The following ST3GAL6 variants were observed in gnomAD, a reference collection of about 807,000 sequenced individuals.
ST3GAL6 encodes the protein ST3 beta-galactoside alpha-2,3-sialyltransferase 6, also known as type 2 lactosamine alpha-2,3-sialyltransferase.
In ST3GAL6, 31 loss-of-function variants were observed where a neutral mutation model predicts 40.5. The ratio of observed to expected loss-of-function variants is 0.77; its 90% CI spans 0.58 to 1.03. The LOEUF (loss-of-function observed/expected upper bound fraction) is 1.03, where lower values mean the gene tolerates loss of function less well. Ranked by LOEUF, ST3GAL6 falls within the 50% of genes least tolerant of loss-of-function variation. The probability of loss-of-function intolerance (pLI) is 0.00; values close to 1 mark genes in which losing one functional copy is unlikely to be tolerated. For missense variants in ST3GAL6, 357 were observed against 393.2 expected (o/e 0.91, Z 0.78); for synonymous variants, 129 against 136.9 (o/e 0.94, Z 0.40).
intron 1 of ST3GAL6, among the ~76,000 whole-genome samples, chr3:98,765,958 T>C (rs1315712602): frequency 6.6e-6 from 1 of 152,208 alleles, no homozygotes; most frequent in African/African-American, 2.4e-5. Flanking sequence ...AGAGGAACCA[T>C]GTTTATCACA....
intron 6 of ST3GAL6, 68 bp downstream of exon 6, chr3:98,785,108 G>T: frequency 9.0e-7 from 1 of 1,107,418 alleles, no homozygotes. Flanking sequence ...CCTTAATACA[G>T]CTGTGTTTTG....
At chr3:98,782,788 C>A in intron 5 of ST3GAL6, 1 of 514,642 alleles carries the variant, frequency 1.9e-6, no homozygotes. Context: ...CTGAAGTTTA[C>A]AAGATGCTTC....
rs911098265 is a variant in ST3GAL6, at chr3:98,769,957, T to C, written c.90-922T>C. Among the ~76,000 whole-genome samples the C allele has an allele frequency of 2.6e-5, 4 of 152,320 alleles. No individual in the cohort carries two copies. The South Asian group carries it at 8.3e-4, about 32-fold the overall frequency. On this transcript the variant is annotated intron_variant, in intron 2 of 9. Transcript: ENST00000483910. Reference sequence around the variant, plus strand: ...TGTATAAATCAAGGAGTCCTTGCCATTGTGGTATTCACAAAAGATGTTTTC... The same window carrying C: ...TGTATAAATCAAGGAGTCCTTGCCACTGTGGTATTCACAAAAGATGTTTTC...
chr3:98,748,759 C>CTGTAATAATAGCA (rs916003376), intron 1 of ST3GAL6, among the ~76,000 whole-genome samples: 6 of 152,204 alleles, frequency 3.9e-5, no homozygotes, highest in African/African-American at 1.4e-4. Context: ...AGCCACCGCG[C>CTGTAATAATAGCA]CTGGCCTGCG....
rs772526726 is a variant in ST3GAL6, at chr3:98,788,281, AACAG to A, written c.619-40_619-37del. On this transcript the variant is annotated intron_variant, in intron 7 of 9. Transcript: ENST00000483910. ...CCTTTAGTGCTTTTTTTCCTTAAAA[AACAG>A]ACAGCCACACTGTTCTATTCTCTAT... 37 of 1,587,238 alleles carry A rather than the reference AACAG, an allele frequency of 2.3e-5. No homozygotes were observed. In the African/African-American group the frequency reaches 4.7e-4, roughly 20 times the overall value.
chr3:98,782,969 G>T (rs1425502546), intron 5 of ST3GAL6: 21 of 331,628 alleles, frequency 6.3e-5, no homozygotes, highest in Non-Finnish European at 1.3e-4. Context: ...TGCTCAGAAG[G>T]TGCCCATGTG....
In ST3GAL6 at chr3:98,795,270, T is replaced by TGACA. The variant is rs1320364543; in HGVS notation, c.*1510_*1513dup. Reference sequence around the variant, plus strand: ...CACTGGAAAACCATGGCTTGATTACTGACAACCAACCTGCCTCTCTAAAGA... The same window carrying TGACA: ...CACTGGAAAACCATGGCTTGATTACTGACAGACAACCAACCTGCCTCTCTAAAGA... On this transcript the variant is annotated 3_prime_UTR_variant, in exon 10 of 10. Transcript: ENST00000483910. The TGACA allele has an allele frequency of 3.3e-5, 5 of 152,228 alleles. No individual in the cohort carries two copies. The South Asian group carries it at 8.3e-4, about 25-fold the overall frequency. 9.4% of individuals were successfully genotyped at this position (152,228 alleles called of 1,614,324 possible). A position where few individuals can be genotyped will look rare whatever the true frequency, so the allele number is the denominator to read the frequency against.
chr3:98,771,023 C>A, intron 3 of ST3GAL6, 67 bp downstream of exon 3: 1 of 1,570,108 alleles, frequency 6.4e-7, no homozygotes, highest in Non-Finnish European at 8.7e-7. Flanking sequence ...TCATTTTCCA[C>A]ACTTGTTTAT....
upstream of ST3GAL6, chr3:98,763,029 AAG>A: frequency 1.0e-6 from 1 of 985,420 alleles, no homozygotes; most frequent in Non-Finnish European, 1.2e-6. Flanking sequence ...CCAAACCTAA[AAG>A]AGAGGTAGTA....
intron 1 of ST3GAL6, among the ~76,000 whole-genome samples, chr3:98,734,339 C>T (rs1452163249): frequency 6.6e-6 from 1 of 152,186 alleles, no homozygotes. Context: ...CTGCGAAAAA[C>T]GATGCCCTTA....
chr3:98,757,994 G>A (rs779175286), intron 1 of ST3GAL6, among the ~76,000 whole-genome samples: 3 of 151,982 alleles, frequency 2.0e-5, no homozygotes, highest in Non-Finnish European at 4.4e-5. Flanking sequence ...GCACCACCAC[G>A]TCTAGCTAAT....
chr3:98,750,649 A>G (rs1366223314), intron 1 of ST3GAL6, among the ~76,000 whole-genome samples: 1 of 152,018 alleles, frequency 6.6e-6, no homozygotes, highest in Non-Finnish European at 1.5e-5. Context: ...CAGAATGAGC[A>G]ACTTAACAGG....
At chr3:98,763,962 C>G (rs917728764) in intron 1 of ST3GAL6, among the ~76,000 whole-genome samples, 6 of 152,120 alleles carry the variant, frequency 3.9e-5, no homozygotes, top group African/African-American at 1.4e-4. Context: ...GGGTCAGAAT[C>G]AGTCCCAGTG....
intron 1 of ST3GAL6, among the ~76,000 whole-genome samples, chr3:98,756,141 C>T (rs773677094): frequency 8.5e-5 from 13 of 152,096 alleles, no homozygotes; most frequent in Non-Finnish European, 1.0e-4. Context: ...GAGCTGGGTC[C>T]TTTGGAAAGC....
intron 1 of ST3GAL6, among the ~76,000 whole-genome samples, chr3:98,766,963 A>G (rs1938418679): frequency 6.6e-6 from 1 of 152,192 alleles, no homozygotes; most frequent in Non-Finnish European, 1.5e-5. Flanking sequence ...CTGATTTCCA[A>G]CCAGTGTTGA....
chr3:98,758,770 G>A (rs1287317244), upstream of ST3GAL6, among the ~76,000 whole-genome samples: 1 of 152,120 alleles, frequency 6.6e-6, no homozygotes, highest in Non-Finnish European at 1.5e-5. Flanking sequence ...GGGAGGGCTT[G>A]GTGCATGGGA....
intron 1 of ST3GAL6, among the ~76,000 whole-genome samples, chr3:98,763,708 G>C (rs1204918764): frequency 1.3e-5 from 2 of 151,144 alleles, no homozygotes; most frequent in Non-Finnish European, 1.5e-5. Context: ...GGGCAGATGG[G>C]GACATGGTTT....
At chr3:98,772,666 T>C (rs1939118870) in intron 3 of ST3GAL6, 147 bp from the exon 4 acceptor site, 1 of 475,318 alleles carries the variant, frequency 2.1e-6, no homozygotes, top group South Asian at 3.7e-5. Flanking sequence ...TTTAAAGTTA[T>C]TTTTAAAAAT....
chr3:98,736,711 G>A (rs1295441317), intron 1 of ST3GAL6, among the ~76,000 whole-genome samples: 1 of 152,206 alleles, frequency 6.6e-6, no homozygotes, highest in African/African-American at 2.4e-5. Context: ...TGTGGGTGGG[G>A]TTGGGAGCGT....
Sources: gnomAD v4.1 joint callset for allele counts (sites outside exome capture counted in the v4.1 genomes callset) on GRCh38, gnomAD v4.1.1 for gene constraint, MANE v1.5 for transcripts, NCBI Gene and HGNC (gene_info 2026-07-23, HGNC 2026-07-21) for gene names.